P2RX4: variants seen among roughly 807,000 people sequenced by gnomAD.
The protein encoded by P2RX4 is purinergic receptor P2X 4.
In P2RX4, 37 loss-of-function variants were observed where a neutral mutation model predicts 48.0. That is an observed-to-expected ratio of 0.77 (90% CI 0.59 to 1.01). The LOEUF is 1.01. P2RX4 is among the 50% of genes least tolerant of loss of function. The pLI, the probability that P2RX4 is intolerant of heterozygous loss-of-function variation, is 0.00. For missense variants in P2RX4, 501 were observed against 521.4 expected, an observed-to-expected ratio of 0.96 and a Z score of 0.38; for synonymous variants, 200 against 199.7, an observed-to-expected ratio of 1.00 and a Z score of -0.01.
intron 1 of P2RX4, 167 bp from the exon 2 acceptor site, chr12:121,216,967 C>A: frequency 1.3e-6 from 1 of 745,362 alleles, no homozygotes; most frequent in East Asian, 2.6e-5. Context: ...GCTACCATCC[C>A]CATTTGGCAG....
At position 121,228,724 on chromosome 12, in the gene P2RX4, G is replaced by C. The variant is rs753872701; in HGVS notation, c.606-1G>C. The C allele has an allele frequency of 6.2e-7, 1 of 1,613,910 alleles. No homozygotes were observed. Among genetic ancestry groups the C allele is most frequent in the Non-Finnish European group, 8.5e-7 (1 of 1,180,028 alleles). The stretch of plus-strand genomic sequence containing the variant: ...GATTTTCTGCTTCCTCTCGACTTTA[G>C]GAGGAATATCCTTCCCAACATCACC... On this transcript the variant is annotated splice_acceptor_variant, in intron 6 of 11. Transcript: ENST00000337233. LOFTEE classifies it high-confidence loss of function.
intron 5 of P2RX4, 165 bp downstream of exon 5, chr12:121,223,208 G>C: frequency 1.7e-6 from 1 of 603,752 alleles, no homozygotes; most frequent in Non-Finnish European, 3.0e-6. Context: ...CCGAGTAGCT[G>C]AGATTATAGG....
chr12:121,220,819 AACCCGTAAGTGCTTT>A (rs1886547718), intron 2 of P2RX4, among the ~76,000 whole-genome samples: 1 of 152,156 alleles, frequency 6.6e-6, no homozygotes, highest in Non-Finnish European at 1.5e-5. Flanking sequence ...ACTCCCTGGC[AACCCGTAAGTGCTTT>A]GTCTCTATGG....
At chr12:121,219,615 GGATAGATAGATAGATAGATAGATAGATA>G (rs60447163) in intron 2 of P2RX4, among the ~76,000 whole-genome samples, 3 of 140,530 alleles carry the variant, frequency 2.1e-5, no homozygotes, top group African/African-American at 5.6e-5. Flanking sequence ...ATGGATGGAT[GGATAGATAGATAGATAGATAGATAGATA>G]GATAGATAGA....
At chr12:121,233,415 G>A in intron 11 of P2RX4, 108 bp from the exon 12 acceptor site, 1 of 1,238,506 alleles carries the variant, frequency 8.1e-7, no homozygotes, top group Non-Finnish European at 1.2e-6. Flanking sequence ...TCCAGGCCTG[G>A]GACCAACTTG....
At chr12:121,212,616 C>T (rs1038012910) in intron 1 of P2RX4, among the ~76,000 whole-genome samples, 89 of 149,346 alleles carry the variant, frequency 6.0e-4, no homozygotes, top group African/African-American at 2.0e-3. Context: ...GGTAAAACCC[C>T]GTCTCTACTA....
Position 121,229,325 on chromosome 12 carries a change from G to A in P2RX4, c.884+226G>A, listed in dbSNP as rs552078816. Reference sequence around the variant, plus strand: ...AGACCCCTCCTTGCCCTTTCCTGCCGCAAGAAACATGTTGAGATGGTTCTT... The same window carrying A: ...AGACCCCTCCTTGCCCTTTCCTGCCACAAGAAACATGTTGAGATGGTTCTT... On this transcript the variant is annotated intron_variant, in intron 8 of 11. Transcript: ENST00000337233. This position sits in a 1 kb window ranked among gnomAD's most constrained non-coding sequence, Gnocchi z 4.6. 5.3e-5 allele frequency among the ~76,000 whole-genome samples: 8 copies of A among 152,154 alleles called. No homozygotes were observed. The South Asian group carries it at 1.5e-3, about 28-fold the overall frequency.
At chr12:121,213,570 C>T (rs10849855) in intron 1 of P2RX4, 53,455 of 151,906 alleles carry the variant, frequency 0.35, 9,663 homozygotes, top group South Asian at 0.4. Flanking sequence ...TTAAACGGCG[C>T]CTTGCTTTGT....
chr12:121,216,815 C>T (rs143402244), intron 1 of P2RX4: 53 of 613,062 alleles, frequency 8.6e-5, no homozygotes, highest in Non-Finnish European at 1.4e-4. Flanking sequence ...AGCGAAACAT[C>T]GTCTCAAAAA....
chr12:121,214,367 G>C (rs1757712618), intron 1 of P2RX4: 1 of 151,950 alleles, frequency 6.6e-6, no homozygotes, highest in South Asian at 2.1e-4. Flanking sequence ...CCTGCATTAA[G>C]GCTCTTTTTT....
rs1037248908 is a variant in P2RX4, at chr12:121,234,074, C to T, written c.*525C>T. On this transcript the variant is annotated 3_prime_UTR_variant, in exon 12 of 12. Coordinates refer to ENST00000337233, the MANE Select transcript of P2RX4 (RefSeq NM_002560.3). ...CAGAGAAGCGCTGTGCTAAGGTGAT[C>T]GAGGACCAGACATTAAAGCGTGATT... The T allele has an allele frequency of 1.9e-5, 3 of 160,946 alleles. No individual in the cohort carries two copies. The highest frequency in any genetic ancestry group is 4.8e-5 in the African/African-American group (2 of 41,782). The allele number at this position is 160,946 out of a possible 1,614,324, so 10.0% of individuals were successfully genotyped here. A position where few individuals can be genotyped will look rare whatever the true frequency, so the allele number is the denominator to read the frequency against.
At chr12:121,230,655 C>G (rs1208797957) in intron 8 of P2RX4, among the ~76,000 whole-genome samples, 2 of 152,194 alleles carry the variant, frequency 1.3e-5, no homozygotes, top group African/African-American at 4.8e-5. Context: ...TAGGTCAGAG[C>G]CCTAAAACGG....
intron 2 of P2RX4, among the ~76,000 whole-genome samples, chr12:121,217,632 G>A (rs1487384105): frequency 6.6e-6 from 1 of 152,000 alleles, no homozygotes; most frequent in East Asian, 1.9e-4. Flanking sequence ...TTCAGACAGT[G>A]TAAAAACTTT....
intron 4 of P2RX4, chr12:121,222,375 T>G (rs1886681565): frequency 3.8e-6 from 2 of 526,704 alleles, no homozygotes; most frequent in African/African-American, 1.9e-5. Context: ...TTTTTTTTTT[T>G]GTTGTTGTTG....
intron 8 of P2RX4, among the ~76,000 whole-genome samples, chr12:121,231,123 G>T (rs1206337459): frequency 1.3e-5 from 2 of 151,632 alleles, no homozygotes; most frequent in Non-Finnish European, 2.9e-5. Flanking sequence ...GAGTAGCTGG[G>T]ATTACAGGCG....
intron 5 of P2RX4, among the ~76,000 whole-genome samples, chr12:121,226,784 T>C (rs1334124829): frequency 6.6e-6 from 1 of 152,064 alleles, no homozygotes; most frequent in Non-Finnish European, 1.5e-5. Context: ...ACCCCTGTTG[T>C]AAGCCATCCC....
intron 1 of P2RX4, among the ~76,000 whole-genome samples, chr12:121,211,507 A>G (rs189288055): frequency 6.6e-6 from 1 of 151,960 alleles, no homozygotes; most frequent in Non-Finnish European, 1.5e-5. Context: ...TTACAATTGA[A>G]TACAACGCGA....
intron 1 of P2RX4, chr12:121,215,305 T>C (rs954586835): frequency 3.9e-5 from 6 of 152,052 alleles, no homozygotes; most frequent in Non-Finnish European, 8.8e-5. Flanking sequence ...TCCCAGATTA[T>C]AGATGGGAAA....
intron 2 of P2RX4, among the ~76,000 whole-genome samples, chr12:121,219,310 C>G (rs74348885): frequency 6.6e-6 from 1 of 152,092 alleles, no homozygotes; most frequent in African/African-American, 2.4e-5. Flanking sequence ...CTTGTCAGAC[C>G]GTGGGGTTGG....
Sources: gnomAD v4.1 joint callset for allele counts (sites outside exome capture counted in the v4.1 genomes callset) on GRCh38, gnomAD v4.1.1 for gene constraint, Gnocchi (gnomAD v3.1) non-coding constraint, MANE v1.5 for transcripts, NCBI Gene and HGNC (gene_info 2026-07-23, HGNC 2026-07-21) for gene names.